The following PTPRD variants were observed in gnomAD, a reference collection of about 807,000 sequenced individuals.
PTPRD encodes the protein protein tyrosine phosphatase receptor type D, also known as receptor-type tyrosine-protein phosphatase delta.
In PTPRD, 34 loss-of-function variants were observed where a neutral mutation model predicts 214.5. That is an observed-to-expected ratio of 0.16 (90% CI 0.12 to 0.21). PTPRD has a LOEUF of 0.21. Among genes scored for constraint, PTPRD ranks in the 10% least tolerant of loss-of-function variants. The probability of loss-of-function intolerance (pLI) is 1.00; values close to 1 mark genes in which losing one functional copy is unlikely to be tolerated. For synonymous variants in PTPRD, 1,128 were observed against 845.7 expected (o/e 1.33, Z -5.79); for missense variants, 2,545 against 2,398.7 (o/e 1.06, Z -1.27).
chr9:10,309,355 T>C (rs1169997158), intron 3 of PTPRD, among the ~76,000 whole-genome samples: 1 of 152,040 alleles, frequency 6.6e-6, no homozygotes, highest in African/African-American at 2.4e-5. Context: ...TTTGTTTTGT[T>C]GTGTTGTGTT....
At chr9:8,552,003 T>C (rs1174728049) in intron 14 of PTPRD, among the ~76,000 whole-genome samples, 1 of 152,132 alleles carries the variant, frequency 6.6e-6, no homozygotes, top group Non-Finnish European at 1.5e-5. Flanking sequence ...GTAGCTAAGA[T>C]CCAAGTTGAA....
intron 4 of PTPRD, among the ~76,000 whole-genome samples, chr9:9,976,408 A>G (rs2095352710): frequency 6.6e-6 from 1 of 151,832 alleles, no homozygotes; most frequent in Admixed American, 6.6e-5. Flanking sequence ...TTTTTTTGAG[A>G]CAGAGTCTTG....
intron 7 of PTPRD, among the ~76,000 whole-genome samples, chr9:9,713,322 T>C (rs1471944646): frequency 1.3e-5 from 2 of 152,148 alleles, no homozygotes; most frequent in Non-Finnish European, 2.9e-5. Flanking sequence ...AAAGGGAATA[T>C]TTCTAATGAG....
At chr9:8,942,021 G>T (rs2099037122) in intron 11 of PTPRD, among the ~76,000 whole-genome samples, 1 of 152,104 alleles carries the variant, frequency 6.6e-6, no homozygotes, top group Non-Finnish European at 1.5e-5. Flanking sequence ...GGCTAGGCTG[G>T]TCTCCAATTC....
chr9:9,711,755 G>C (rs1234011403), intron 7 of PTPRD, among the ~76,000 whole-genome samples: 1 of 152,128 alleles, frequency 6.6e-6, no homozygotes, highest in African/African-American at 2.4e-5. Context: ...AATATATATA[G>C]CATGACCTTA....
intron 3 of PTPRD, among the ~76,000 whole-genome samples, chr9:10,231,989 A>AGTGTGTGTGTGTGTGTGTGTGT (rs61314978): frequency 1.1e-5 from 1 of 92,436 alleles, no homozygotes; most frequent in Non-Finnish European, 2.0e-5. Context: ...AGAGAGAGAG[A>AGTGTGTGTGTGTGTGTGTGTGT]GTGTGTGTGT....
chr9:10,177,444 T>C (rs1458163787), intron 3 of PTPRD, among the ~76,000 whole-genome samples: 5 of 130,132 alleles, frequency 3.8e-5, no homozygotes, highest in Admixed American at 3.8e-4. Flanking sequence ...GTTGTTAAAA[T>C]GTTGTAAAAA....
chr9:8,376,012 T>C lies in PTPRD; in HGVS notation c.4585A>G (p.Thr1529Ala), dbSNP rs763280707. 13 of 1,612,842 alleles carry C rather than the reference T, an allele frequency of 8.1e-6. No homozygotes were observed. Among genetic ancestry groups the C allele is most frequent in the South Asian group, 5.5e-5 (5 of 91,054 alleles). The change falls in exon 39 of 46, where the codon ACA (threonine) becomes GCA (alanine). Residue 1529 changes from threonine to alanine, a missense_variant. Physicochemically the swap from Thr to Ala is moderately conservative, Grantham distance 58 (BLOSUM62 0). Coordinates refer to ENST00000381196, the MANE Select transcript of PTPRD (RefSeq NM_002839.4). ...WPDHGVPEHP[T>A]PFLAFLRRVK... Reference sequence around the variant, plus strand: ...CTACGTAAGAAAGCTAGAAAAGGTGTAGGGTGTTCTGGAACACCATGATCA... The same window carrying C: ...CTACGTAAGAAAGCTAGAAAAGGTGCAGGGTGTTCTGGAACACCATGATCA...
chr9:10,263,716 G>A (rs2475340), intron 3 of PTPRD, among the ~76,000 whole-genome samples: 6 of 152,036 alleles, frequency 3.9e-5, no homozygotes, highest in Admixed American at 6.6e-5. Context: ...AAATTCAAGC[G>A]TGCTGCAGAA....
Position 8,934,436 on chromosome 9 carries a change from A to ATAAATATATAT in PTPRD, c.-104+84260_-104+84261insATATATATTTA, listed in dbSNP as rs2098976804. 4.0e-4 allele frequency among the ~76,000 whole-genome samples: 12 copies of ATAAATATATAT among 30,332 alleles called. 1 individual carries two copies. Among genetic ancestry groups the ATAAATATATAT allele is most frequent in the South Asian group, 1.9e-3 (2 of 1,076 alleles). The allele number at this position is 30,332 out of a possible 152,430, so 19.9% of individuals were successfully genotyped here. ...GTGTGTGTGTGTATATATATATATA[A>ATAAATATATAT]ATATATATATAAATTTATATATATA... On this transcript the variant is annotated intron_variant, in intron 11 of 45. Transcript: ENST00000381196.
intron 26 of PTPRD, among the ~76,000 whole-genome samples, chr9:8,496,694 C>T (rs569303223): frequency 1.4e-4 from 21 of 152,130 alleles, no homozygotes; most frequent in Non-Finnish European, 2.8e-4. Context: ...GATATGCGAT[C>T]CTGGAGTCAG....
chr9:9,015,574 T>C (rs750085197), intron 11 of PTPRD, among the ~76,000 whole-genome samples: 1 of 152,190 alleles, frequency 6.6e-6, no homozygotes, highest in Non-Finnish European at 1.5e-5. Flanking sequence ...GGAGTAGCCA[T>C]TCTTTTATTT....
At chr9:9,830,791 T>C (rs1330886805) in intron 5 of PTPRD, among the ~76,000 whole-genome samples, 2 of 151,922 alleles carry the variant, frequency 1.3e-5, no homozygotes, top group African/African-American at 2.4e-5. Context: ...GGCAGGTCCT[T>C]AGCTGTGACC....
intron 2 of PTPRD, among the ~76,000 whole-genome samples, chr9:10,602,871 G>A (rs950943675): frequency 2.0e-5 from 3 of 151,668 alleles, no homozygotes; most frequent in Admixed American, 6.6e-5. Flanking sequence ...CTGAATTATA[G>A]TAACTGGCAG....
At chr9:9,213,396 A>C (rs1436904938) in intron 9 of PTPRD, among the ~76,000 whole-genome samples, 7 of 152,190 alleles carry the variant, frequency 4.6e-5, no homozygotes, top group African/African-American at 1.7e-4. Flanking sequence ...TTACTCTGTT[A>C]TTCGTGCACA....
rs1183024213 is a variant in PTPRD at position 8,381,211 on chromosome 9, G to A, written c.4387-4485C>T. ...AACAGGCTAACATTAGATAACACAA[G>A]TCACAGTTATTTTTGGGAGTAAGGA... On this transcript the variant is annotated intron_variant, in intron 37 of 45. Coordinates refer to ENST00000381196, the MANE Select transcript of PTPRD (RefSeq NM_002839.4). Among the ~76,000 whole-genome samples the A allele has an allele frequency of 3.3e-5, 5 of 152,120 alleles. No homozygotes were observed. The South Asian group carries it at 1.0e-3, about 32-fold the overall frequency.
chr9:9,808,243 A>G (rs923626921), intron 5 of PTPRD, among the ~76,000 whole-genome samples: 4 of 152,150 alleles, frequency 2.6e-5, no homozygotes, highest in Non-Finnish European at 5.9e-5. Context: ...TGGTCTGATG[A>G]GCATTTCGAA....
chr9:9,010,219 C>A (rs1309651971), intron 11 of PTPRD, among the ~76,000 whole-genome samples: 4 of 152,142 alleles, frequency 2.6e-5, no homozygotes. Context: ...TTCAACATAT[C>A]TTTGACCAAT....
At chr9:9,992,728 C>G (rs1363922331) in intron 4 of PTPRD, among the ~76,000 whole-genome samples, 1 of 151,856 alleles carries the variant, frequency 6.6e-6, no homozygotes, top group East Asian at 1.9e-4. Context: ...CACGTTCTCA[C>G]TCATTGGTGG....
Sources: gnomAD v4.1 joint callset for allele counts (sites outside exome capture counted in the v4.1 genomes callset) on GRCh38, gnomAD v4.1.1 for gene constraint, MANE v1.5 for transcripts, NCBI Gene and HGNC (gene_info 2026-07-23, HGNC 2026-07-21) for gene names.